The following XIRP2 variants were observed in gnomAD, a reference collection of about 807,000 sequenced individuals.
XIRP2 encodes the protein xin actin binding repeat containing 2.
In XIRP2, 236 loss-of-function variants were observed where a neutral mutation model predicts 277.0. The ratio of observed to expected loss-of-function variants is 0.85; its 90% confidence interval spans 0.77 to 0.95. The LOEUF is 0.95. Ranked by LOEUF, XIRP2 falls within the 40% of genes least tolerant of loss-of-function variation. The pLI is 0.00. For synonymous variants in XIRP2, 1,490 were observed against 1,416.5 expected (o/e 1.05, Z -1.17); for missense variants, 4,640 against 4,157.5 (o/e 1.12, Z -3.19).
Position 167,249,937 on chromosome 2 carries a change from G to T in XIRP2, c.8545G>T (p.Ala2849Ser). Reference protein sequence around the residue: ...RKHEHLKNKSAPKVVKQKVID... With the variant: ...RKHEHLKNKSSPKVVKQKVID... ...ACACGAACATCTGAAGAATAAATCA[G>T]CACCAAAGGTCGTCAAGCAAAAGGT... Residue 2849 changes from alanine to serine, a missense_variant, in exon 9 of 11, where the codon GCA becomes TCA. By Grantham distance (99) the Ala-to-Ser change is moderately conservative. Coordinates refer to ENST00000409195, the MANE Select transcript of XIRP2 (RefSeq NM_152381.6). 1 of 1,613,528 alleles carries T rather than the reference G, an allele frequency of 6.2e-7. No homozygotes were observed. The highest frequency in any genetic ancestry group is 8.5e-7 in the Non-Finnish European group (1 of 1,179,678).
chr2:167,106,021 TTGAGTTTTGAGAGTTA>T (rs113804583), intron 2 of XIRP2, among the ~76,000 whole-genome samples: 48,993 of 150,224 alleles, frequency 0.33, 10,248 homozygotes, highest in African/African-American at 0.6. Flanking sequence ...GATTTTGCTA[TTGAGTTTTGAGAGTTA>T]TGAGTTTTGA....
At chr2:167,046,710 G>A (rs1007121511) in intron 2 of XIRP2, among the ~76,000 whole-genome samples, 2 of 151,904 alleles carry the variant, frequency 1.3e-5, no homozygotes, top group African/African-American at 4.8e-5. Flanking sequence ...ATTTCAAAGC[G>A]GCAGCTGAAC....
intron 3 of XIRP2, among the ~76,000 whole-genome samples, chr2:167,147,725 C>T (rs1423957406): frequency 2.6e-5 from 4 of 152,132 alleles, no homozygotes; most frequent in Non-Finnish European, 4.4e-5. Flanking sequence ...TGCCCTATGC[C>T]TTGTTTGTCA....
intron 2 of XIRP2, among the ~76,000 whole-genome samples, chr2:166,933,928 A>G (rs1353452784): frequency 6.6e-6 from 1 of 152,110 alleles, no homozygotes; most frequent in Non-Finnish European, 1.5e-5. Flanking sequence ...TTGAAGATGT[A>G]AGCCCATTTG....
intron 2 of XIRP2, among the ~76,000 whole-genome samples, chr2:167,057,762 T>A (rs748860112): frequency 2.6e-5 from 4 of 152,092 alleles, no homozygotes; most frequent in African/African-American, 4.8e-5. Flanking sequence ...TTCTGCTTGG[T>A]CAGAAGTAAA....
chr2:167,180,454 T>C (rs1245884894), intron 3 of XIRP2, among the ~76,000 whole-genome samples: 1 of 152,204 alleles, frequency 6.6e-6, no homozygotes, highest in Non-Finnish European at 1.5e-5. Context: ...AATTTCATTT[T>C]TATATGTGCT....
rs202171099 is a variant in XIRP2 at position 167,244,150 on chromosome 2, C to T, written c.2758C>T (p.Pro920Ser). Reference sequence around the variant, plus strand: ...TCAAAAATGGATTTTTGAAACCCAACCTCTGGAAGACATTAGAAAAGATAA... The same window carrying T: ...TCAAAAATGGATTTTTGAAACCCAATCTCTGGAAGACATTAGAAAAGATAA... ...RHQKWIFETQ[P>S]LEDIRKDKKE... is the part of the protein sequence containing the mutation. The change falls in exon 9 of 11, where the codon CCT (proline) becomes TCT (serine). Residue 920 changes from proline to serine, a missense_variant. Transcript: ENST00000409195. The T allele has an allele frequency of 1.9e-6, 3 of 1,613,916 alleles. No homozygotes were observed. The highest frequency in any genetic ancestry group is 1.3e-5 in the African/African-American group (1 of 75,016).
At position 167,134,291 on chromosome 2, in the gene XIRP2, GTA is replaced by G. The variant is rs1242582266; in HGVS notation, c.409-1608_409-1607del. Among the ~76,000 whole-genome samples the G allele has an allele frequency of 4.0e-5, 6 of 150,384 alleles. No homozygotes were observed. In the East Asian group the frequency reaches 5.8e-4, roughly 15 times the overall value. ...ATATACTTATGTACATGTGATATAT[GTA>G]TATATATATTTACGTGTGTGTATAT... On this transcript the variant is annotated intron_variant, in intron 2 of 10. Transcript: ENST00000409195.
chr2:167,051,105 C>A (rs1407623216), intron 2 of XIRP2, among the ~76,000 whole-genome samples: 1 of 152,056 alleles, frequency 6.6e-6, no homozygotes, highest in African/African-American at 2.4e-5. Context: ...CATTTCCCTT[C>A]ATCTTCCCCT....
chr2:167,251,107 A>G lies in XIRP2; in HGVS notation c.9715A>G (p.Thr3239Ala), dbSNP rs774555613. ...TRGRDSPPTI[T>A]IPVNINHAAS... The stretch of plus-strand genomic sequence containing the variant: ...TGGTAGGGACTCTCCACCTACAATC[A>G]CAATACCAGTAAATATAAATCATGC... Residue 3239 changes from threonine to alanine, a missense_variant, in exon 9 of 11, where the codon ACA becomes GCA. Thr to Ala is a moderately conservative substitution (Grantham distance 58). Transcript: ENST00000409195. 4.3e-6 allele frequency: 7 copies of G among 1,613,614 alleles called. No homozygotes were observed. The East Asian group carries it at 1.3e-4, about 31-fold the overall frequency.
chr2:167,144,006 A>G (rs1216457119), intron 3 of XIRP2, among the ~76,000 whole-genome samples: 2 of 152,230 alleles, frequency 1.3e-5, no homozygotes, highest in East Asian at 1.9e-4. Flanking sequence ...TATTCATTAT[A>G]GACATTTAAT....
intron 4 of XIRP2, among the ~76,000 whole-genome samples, chr2:167,211,338 G>A (rs1034448324): frequency 3.9e-5 from 6 of 151,972 alleles, no homozygotes; most frequent in Middle Eastern, 3.2e-3. Flanking sequence ...CTCGTGATCC[G>A]CCCGCATCAG....
chr2:167,108,151 T>C (rs1690659196), intron 2 of XIRP2, among the ~76,000 whole-genome samples: 1 of 151,888 alleles, frequency 6.6e-6, no homozygotes, highest in Non-Finnish European at 1.5e-5. Flanking sequence ...GTTCATCATA[T>C]TCCTTTCTTA....
chr2:167,098,464 C>T (rs1488122205), intron 2 of XIRP2, among the ~76,000 whole-genome samples: 5 of 152,134 alleles, frequency 3.3e-5, no homozygotes, highest in East Asian at 3.9e-4. Context: ...TTTATCAAGG[C>T]GTTAGCTTCC....
At chr2:167,089,194 C>T (rs1308613794) in intron 2 of XIRP2, among the ~76,000 whole-genome samples, 1 of 152,070 alleles carries the variant, frequency 6.6e-6, no homozygotes. Context: ...GTAGAGAGGA[C>T]AATGTCCAGA....
At position 167,258,810 on chromosome 2, in the gene XIRP2, C is replaced by A. The variant is rs1284558778; in HGVS notation, c.*993C>A. ...TATGAAATTGAGAAGTTAGAAAATA[C>A]ATCTAGAATCTCAGAGTTACTTGGT... On this transcript the variant is annotated 3_prime_UTR_variant, in exon 11 of 11. Transcript: ENST00000409195. The A allele has an allele frequency of 1.2e-6, 2 of 1,612,984 alleles. No individual in the cohort carries two copies. Among genetic ancestry groups the A allele is most frequent in the Admixed American group, 3.3e-5 (2 of 59,810 alleles).
intron 2 of XIRP2, among the ~76,000 whole-genome samples, chr2:167,053,784 A>G (rs1265539904): frequency 6.6e-6 from 1 of 152,192 alleles, no homozygotes; most frequent in Non-Finnish European, 1.5e-5. Flanking sequence ...TTGACATCTT[A>G]CATTCCTCTT....
intron 2 of XIRP2, among the ~76,000 whole-genome samples, chr2:167,023,892 T>G (rs1394944846): frequency 6.6e-6 from 1 of 152,232 alleles, no homozygotes; most frequent in Admixed American, 6.5e-5. Flanking sequence ...GGTAGCGTGA[T>G]GCCTCTGGCT....
chr2:167,194,532 C>G (rs751971397), intron 3 of XIRP2, among the ~76,000 whole-genome samples: 3 of 152,188 alleles, frequency 2.0e-5, no homozygotes, highest in African/African-American at 4.8e-5. Context: ...TTATAACCAG[C>G]CTTGAAATGT....
Sources: gnomAD v4.1 joint callset for allele counts (sites outside exome capture counted in the v4.1 genomes callset) on GRCh38, gnomAD v4.1.1 for gene constraint, MANE v1.5 for transcripts, NCBI Gene and HGNC (gene_info 2026-07-23, HGNC 2026-07-21) for gene names.